The following PHACTR1 variants were observed in gnomAD, a reference collection of about 807,000 sequenced individuals.
The protein encoded by PHACTR1 is RPEL repeat containing 1.
In PHACTR1, 16 loss-of-function variants were observed where a neutral mutation model predicts 69.2. That is an observed-to-expected ratio of 0.23 (90% CI 0.16 to 0.35). The LOEUF (loss-of-function observed/expected upper bound fraction) is 0.35, where lower values mean the gene tolerates loss of function less well. PHACTR1 is among the 10% of genes least tolerant of loss of function. PHACTR1 has a pLI of 1.00. For synonymous variants in PHACTR1, 312 were observed against 284.5 expected, an observed-to-expected ratio of 1.10 and a Z score of -0.97; for missense variants, 510 against 734.7, an observed-to-expected ratio of 0.69 and a Z score of 3.54.
chr6:13,225,484 T>A (rs912931677), intron 8 of PHACTR1, among the ~76,000 whole-genome samples: 2 of 152,208 alleles, frequency 1.3e-5, no homozygotes, highest in Non-Finnish European at 2.9e-5. Flanking sequence ...TCCCATCCTA[T>A]GCAAGAAGGT....
At chr6:13,228,969 T>A (rs1450981504) in intron 9 of PHACTR1, among the ~76,000 whole-genome samples, 1 of 152,206 alleles carries the variant, frequency 6.6e-6, no homozygotes, top group Non-Finnish European at 1.5e-5. Context: ...TTTCTCTCGC[T>A]CTCTACTTAC....
chr6:12,941,090 A>G (rs528392570), intron 4 of PHACTR1, among the ~76,000 whole-genome samples: 13 of 152,122 alleles, frequency 8.5e-5, no homozygotes, highest in African/African-American at 3.1e-4. Context: ...CATATGAGCA[A>G]TCCTTTTCTA....
chr6:12,911,933 A>G (rs149324536), intron 4 of PHACTR1, among the ~76,000 whole-genome samples: 481 of 152,346 alleles, frequency 3.2e-3, no homozygotes, highest in Non-Finnish European at 5.5e-3. Flanking sequence ...AAAATACATC[A>G]TTTAGGACAG....
chr6:13,024,325 G>A (rs1489370490), intron 4 of PHACTR1, among the ~76,000 whole-genome samples: 2 of 152,092 alleles, frequency 1.3e-5, no homozygotes, highest in African/African-American at 2.4e-5. Flanking sequence ...GTCTGTTTAT[G>A]GGCAACTGTT....
At position 12,780,376 on chromosome 6, in the gene PHACTR1, G is replaced by A. The variant is rs75408598; in HGVS notation, c.250+30586G>A. Among the ~76,000 whole-genome samples the A allele has an allele frequency of 4.9e-3, 752 of 151,998 alleles. 8 individuals are homozygous for A. The highest frequency in any genetic ancestry group is 0.017 in the African/African-American group (719 of 41,446). Reference sequence around the variant, plus strand: ...CACAGCTTCATATAAAAGAATCAGGGCCTGACATACAGAAACAAGTAATTA... The same window carrying A: ...CACAGCTTCATATAAAAGAATCAGGACCTGACATACAGAAACAAGTAATTA... On this transcript the variant is annotated intron_variant, in intron 4 of 14. Transcript: ENST00000332995.
At position 12,985,538 on chromosome 6, in the gene PHACTR1, AAAAAT is replaced by A. The variant is rs1273219576; in HGVS notation, c.251-67825_251-67821del. Among the ~76,000 whole-genome samples, 282 of 134,874 alleles carry A rather than the reference AAAAAT, an allele frequency of 2.1e-3. 1 individual carries two copies. The highest frequency in any genetic ancestry group is 7.5e-3 in the African/African-American group (253 of 33,596). 88.5% of individuals were successfully genotyped at this position (134,874 alleles called of 152,430 possible). Reference sequence around the variant, plus strand: ...TAAAGTACTACAAATTAAAAAAAAAAAAAATATATATATATATATATATACACAGA... The same window carrying A: ...TAAAGTACTACAAATTAAAAAAAAAAATATATATATATATATATACACAGA... On this transcript the variant is annotated intron_variant, in intron 4 of 14. Coordinates refer to ENST00000332995, the MANE Select transcript of PHACTR1 (RefSeq NM_030948.6).
chr6:13,101,914 C>T (rs913646013), intron 5 of PHACTR1, among the ~76,000 whole-genome samples: 5 of 152,062 alleles, frequency 3.3e-5, no homozygotes, highest in Non-Finnish European at 7.4e-5. Context: ...GTGGGTAAAG[C>T]CAGATGCATA....
rs1465028441 is a variant in PHACTR1 at position 12,749,671 on chromosome 6, C to A, written c.131C>A (p.Pro44His). 1 of 1,612,126 alleles carries A rather than the reference C, an allele frequency of 6.2e-7. No homozygotes were observed. Among genetic ancestry groups the A allele is most frequent in the Non-Finnish European group, 8.5e-7 (1 of 1,179,616 alleles). ...CGCCGGGCGACCCTGCTCCTGCCTC[C>A]CACATTAATGGCGGCATCCTCGGAG... ...QARRATLLLP[P>H]TLMAASSEDD... The change falls in exon 4 of 15, where the codon CCC (proline) becomes CAC (histidine). Residue 44 changes from proline to histidine, a missense_variant. Pro to His is a moderately conservative substitution (Grantham distance 77, BLOSUM62 -2). Transcript: ENST00000332995.
At chr6:13,263,973 C>A (rs1476309637) in intron 10 of PHACTR1, among the ~76,000 whole-genome samples, 1 of 152,188 alleles carries the variant, frequency 6.6e-6, no homozygotes, top group Non-Finnish European at 1.5e-5. Context: ...TGGCAAGATG[C>A]CCTGGGTGTC....
At chr6:12,873,671 C>T (rs1374337860) in intron 4 of PHACTR1, among the ~76,000 whole-genome samples, 1 of 152,122 alleles carries the variant, frequency 6.6e-6, no homozygotes, top group Admixed American at 6.6e-5. Flanking sequence ...ATGTGAATTC[C>T]CCAGACAATG....
intron 4 of PHACTR1, among the ~76,000 whole-genome samples, chr6:12,824,612 G>C (rs1019090364): frequency 2.0e-5 from 3 of 152,230 alleles, no homozygotes; most frequent in African/African-American, 7.2e-5. Flanking sequence ...AAGTTTAGAG[G>C]GGGTAGTGAA....
chr6:12,727,959 C>A (rs1048952646), intron 3 of PHACTR1, among the ~76,000 whole-genome samples: 2 of 151,976 alleles, frequency 1.3e-5, no homozygotes, highest in Non-Finnish European at 2.9e-5. Context: ...TCTATATATC[C>A]TTTTTCAATC....
chr6:12,717,405 G>C (rs1235589370), intron 1 of PHACTR1, 104 bp from the exon 2 acceptor site: 1 of 151,858 alleles, frequency 6.6e-6, no homozygotes, highest in Non-Finnish European at 1.5e-5. Flanking sequence ...CTCTGCCTAA[G>C]AGATAGGGGG....
intron 7 of PHACTR1, among the ~76,000 whole-genome samples, chr6:13,184,444 G>A (rs746661654): frequency 1.3e-5 from 2 of 152,222 alleles, no homozygotes. Flanking sequence ...GGCCACCCTG[G>A]TGATTCCTGC....
At chr6:13,193,962 G>T (rs1763985692) in intron 7 of PHACTR1, among the ~76,000 whole-genome samples, 1 of 152,118 alleles carries the variant, frequency 6.6e-6, no homozygotes, top group African/African-American at 2.4e-5. Context: ...CTCCCTAGGA[G>T]CAGCAGCACC....
intron 6 of PHACTR1, among the ~76,000 whole-genome samples, chr6:13,170,048 C>T (rs1760365202): frequency 6.6e-6 from 1 of 152,180 alleles, no homozygotes; most frequent in African/African-American, 2.4e-5. Context: ...TAATGGATGC[C>T]ATCCTCTGGC....
intron 6 of PHACTR1, among the ~76,000 whole-genome samples, chr6:13,174,829 C>T (rs1440077640): frequency 2.0e-5 from 3 of 152,030 alleles, no homozygotes; most frequent in African/African-American, 7.3e-5. Context: ...TCACTTTTCT[C>T]TAAACAATGA....
intron 4 of PHACTR1, among the ~76,000 whole-genome samples, chr6:12,985,528 T>TAAAAAA (rs149850503): frequency 8.2e-5 from 11 of 134,896 alleles, no homozygotes; most frequent in African/African-American, 3.0e-4. Flanking sequence ...TACTACAAAT[T>TAAAAAA]AAAAAAAAAA....
chr6:12,793,407 A>G (rs749699220), intron 4 of PHACTR1, among the ~76,000 whole-genome samples: 1 of 152,234 alleles, frequency 6.6e-6, no homozygotes, highest in Non-Finnish European at 1.5e-5. Flanking sequence ...GGATATTGCA[A>G]GATTTCTGTC....
Sources: gnomAD v4.1 joint callset for allele counts (sites outside exome capture counted in the v4.1 genomes callset) on GRCh38, gnomAD v4.1.1 for gene constraint, MANE v1.5 for transcripts, NCBI Gene and HGNC (gene_info 2026-07-23, HGNC 2026-07-21) for gene names.